CEP170: variants seen among roughly 807,000 people sequenced by gnomAD.
The protein encoded by CEP170 is centrosomal protein 170.
CEP170 carries 21 observed loss-of-function variants against 151.9 expected under a neutral mutation model. The observed-to-expected ratio is 0.14, with a 90% CI of 0.10 to 0.20. The LOEUF (loss-of-function observed/expected upper bound fraction) is 0.20, where lower values mean the gene tolerates loss of function less well. CEP170 is among the 10% of genes least tolerant of loss of function. The probability of loss-of-function intolerance (pLI) is 1.00; values close to 1 mark genes in which losing one functional copy is unlikely to be tolerated. For synonymous variants in CEP170, 356 were observed against 648.8 expected, an observed-to-expected ratio of 0.55 and a Z score of 6.86; for missense variants, 964 against 1,892.9, an observed-to-expected ratio of 0.51 and a Z score of 9.11.
intron 1 of CEP170, among the ~76,000 whole-genome samples, chr1:243,251,194 C>T (rs1301694297): frequency 6.6e-6 from 1 of 152,176 alleles, no homozygotes; most frequent in Non-Finnish European, 1.5e-5. Context: ...GCTAAACAGG[C>T]TTTCCTATGC....
chr1:243,194,684 A>G (rs1572183932), intron 7 of CEP170, among the ~76,000 whole-genome samples: 1 of 151,868 alleles, frequency 6.6e-6, no homozygotes, highest in Non-Finnish European at 1.5e-5. Flanking sequence ...CAGAAAAATA[A>G]AACACCTTTC....
intron 17 of CEP170, among the ~76,000 whole-genome samples, chr1:243,131,711 T>C (rs1045093657): frequency 1.2e-4 from 18 of 152,110 alleles, no homozygotes; most frequent in African/African-American, 4.1e-4. Context: ...TGAAGGTCCT[T>C]ATCAATTTTA....
intron 4 of CEP170, among the ~76,000 whole-genome samples, chr1:243,203,634 A>C (rs557336439): frequency 6.6e-6 from 1 of 152,274 alleles, no homozygotes; most frequent in African/African-American, 2.4e-5. Context: ...ATTTCATACA[A>C]GGAAAGATCA....
chr1:243,159,225 A>C (rs780342335), intron 13 of CEP170, among the ~76,000 whole-genome samples: 3 of 152,192 alleles, frequency 2.0e-5, no homozygotes, highest in Non-Finnish European at 4.4e-5. Context: ...TCATTAAGTA[A>C]TTAAGAGCTC....
At position 243,228,801 on chromosome 1, in the gene CEP170, A is replaced by G. The variant is rs1037952481; in HGVS notation, c.-41-3480T>C. On this transcript the variant is annotated intron_variant, in intron 1 of 19. Coordinates refer to ENST00000366542, the MANE Select transcript of CEP170 (RefSeq NM_014812.3). ...AATATGTACAATATAAACATACAAT[A>G]ATTATACAGTTGGATAAAATAAAAT... Among the ~76,000 whole-genome samples the G allele has an allele frequency of 5.3e-5, 8 of 152,098 alleles. No homozygotes were observed. The East Asian group carries it at 1.2e-3, about 22-fold the overall frequency.
chr1:243,197,363 G>A (rs1340542497), intron 7 of CEP170, among the ~76,000 whole-genome samples: 1 of 145,686 alleles, frequency 6.9e-6, no homozygotes, highest in Non-Finnish European at 1.5e-5. Flanking sequence ...CATAGATCAT[G>A]TGGCTTAGGG....
At chr1:243,191,778 T>G (rs2060319993) in intron 7 of CEP170, among the ~76,000 whole-genome samples, 1 of 152,140 alleles carries the variant, frequency 6.6e-6, no homozygotes, top group Non-Finnish European at 1.5e-5. Flanking sequence ...AGGTCCATAT[T>G]TTTTCCAACC....
chr1:243,253,167 T>A (rs2066104448), intron 1 of CEP170: 1 of 152,210 alleles, frequency 6.6e-6, no homozygotes, highest in Admixed American at 6.5e-5. Context: ...GAAAAGCACA[T>A]GTTAGGACAT....
At chr1:243,154,431 C>T (rs562410216) in intron 14 of CEP170, among the ~76,000 whole-genome samples, 277 of 152,142 alleles carry the variant, frequency 1.8e-3, no homozygotes, top group Middle Eastern at 0.01. Flanking sequence ...TCTATAGAAA[C>T]ATTAAATATC....
rs763789094 is a variant in CEP170, at chr1:243,164,944, G to A, written c.3016C>T (p.Arg1006Cys). 1.9e-5 allele frequency: 30 copies of A among 1,613,762 alleles called. No homozygotes were observed. Among genetic ancestry groups the A allele is most frequent in the East Asian group, 2.2e-5 (1 of 44,906 alleles). The stretch of plus-strand genomic sequence containing the variant: ...CTCCCACTGGACTGAACAAATTTAC[G>A]ACCATCTGCTCTTGAACCCACATCT... The part of the protein sequence containing the change: ...STDVGSRADG[R>C]KFVQSSGRIR... Residue 1006 changes from arginine (R) to cysteine (C), a missense_variant, in exon 13 of 20, where the codon CGT (arginine) becomes TGT (cysteine). Transcript: ENST00000366542.
chr1:243,215,192 G>T (rs2062155699), intron 3 of CEP170, among the ~76,000 whole-genome samples: 1 of 152,148 alleles, frequency 6.6e-6, no homozygotes, highest in Admixed American at 6.5e-5. Flanking sequence ...CGTAAGCTGA[G>T]GATGTATGTC....
At chr1:243,208,753 CT>C (rs2061580941) in intron 4 of CEP170, among the ~76,000 whole-genome samples, 3 of 152,052 alleles carry the variant, frequency 2.0e-5, no homozygotes, top group Non-Finnish European at 4.4e-5. Flanking sequence ...TTCCATAGAA[CT>C]TACCATCCTC....
Position 243,164,324 on chromosome 1 carries a change from G to C in CEP170, c.3636C>G (p.Ser1212=), listed in dbSNP as rs1415978695. 5.9e-6 allele frequency: 9 copies of C among 1,525,624 alleles called. No individual in the cohort carries two copies. In the South Asian group the frequency reaches 1.1e-4, roughly 18 times the overall value. The allele number at this position is 1,525,624 out of a possible 1,614,324, so 94.5% of individuals were successfully genotyped here. A position where few individuals can be genotyped will look rare whatever the true frequency, so the allele number is the denominator to read the frequency against. The change falls in exon 13 of 20, where the codon TCC becomes TCG. Residue 1212 remains serine, a synonymous_variant. Coordinates refer to ENST00000366542, the MANE Select transcript of CEP170 (RefSeq NM_014812.3). ...GAGCTGAGGTCATACTTTTGACCTT[G>C]GAGTCTGAGAGTCGAGAGATACTGT... is the stretch of plus-strand genomic sequence containing the variant. ...RANSISRLSD[S]KVKSMTSAHG...
intron 1 of CEP170, among the ~76,000 whole-genome samples, chr1:243,243,756 G>A (rs1173776625): frequency 6.6e-6 from 1 of 151,994 alleles, no homozygotes; most frequent in Non-Finnish European, 1.5e-5. Context: ...TTGAACTCCT[G>A]ACCTTGTGAT....
intron 8 of CEP170, among the ~76,000 whole-genome samples, chr1:243,190,208 C>T (rs780193118): frequency 9.2e-5 from 14 of 152,092 alleles, no homozygotes; most frequent in African/African-American, 1.2e-4. Flanking sequence ...GTCAGCTAAA[C>T]GTGTAATCAC....
At chr1:243,166,356 ATACAATG>A (rs1343023198) in intron 12 of CEP170, among the ~76,000 whole-genome samples, 1 of 152,112 alleles carries the variant, frequency 6.6e-6, no homozygotes. Context: ...ATAATACCTA[ATACAATG>A]TAAAAGCTAT....
chr1:243,134,011 ATTG>A (rs886128745), intron 17 of CEP170, among the ~76,000 whole-genome samples: 1 of 152,190 alleles, frequency 6.6e-6, no homozygotes, highest in Non-Finnish European at 1.5e-5. Flanking sequence ...TGAAATTAAT[ATTG>A]TTATTATACT....
chr1:243,249,208 T>C (rs372107559), intron 1 of CEP170, among the ~76,000 whole-genome samples: 2 of 152,022 alleles, frequency 1.3e-5, no homozygotes, highest in East Asian at 3.9e-4. Context: ...AGAGGATCAC[T>C]TAAGCTCAGG....
Position 243,237,870 on chromosome 1 carries a change from A to G in CEP170, c.-41-12549T>C, listed in dbSNP as rs187085425. On this transcript the variant is annotated intron_variant, in intron 1 of 19. Coordinates refer to ENST00000366542, the MANE Select transcript of CEP170 (RefSeq NM_014812.3). ...CAGTGGGCCAAGATCACACCACTGC[A>G]CTCCAGCCTGGGCAACAGAACGAGA... 3.7e-3 allele frequency among the ~76,000 whole-genome samples: 561 copies of G among 152,170 alleles called. 2 individuals are homozygous for G. The highest frequency in any genetic ancestry group is 0.013 in the African/African-American group (538 of 41,516).
Sources: allele counts gnomAD v4.1 joint callset (sites outside exome capture counted in the v4.1 genomes callset), GRCh38; gene constraint gnomAD v4.1.1; transcripts MANE v1.5; gene names NCBI Gene and HGNC (gene_info 2026-07-23, HGNC 2026-07-21).